The following EHHADH variants were observed in gnomAD, a reference collection of about 807,000 sequenced individuals.
EHHADH encodes enoyl-CoA hydratase and 3-hydroxyacyl CoA dehydrogenase, also known as peroxisomal bifunctional enzyme.
Under a neutral mutation model 64.4 loss-of-function variants are expected in EHHADH, and 48 were observed. The observed-to-expected ratio is 0.75, with a 90% CI of 0.59 to 0.95. The LOEUF is 0.95. Ranked by LOEUF, EHHADH falls within the 40% of genes least tolerant of loss-of-function variation. The pLI, the probability that EHHADH is intolerant of heterozygous loss-of-function variation, is 0.00. For synonymous variants in EHHADH, 308 were observed against 326.7 expected (o/e 0.94, Z 0.62); for missense variants, 854 against 876.6 (o/e 0.97, Z 0.33).
At chr3:185,243,979 GTCTA>G (rs1443146993) in intron 2 of EHHADH, among the ~76,000 whole-genome samples, 1 of 152,098 alleles carries the variant, frequency 6.6e-6, no homozygotes, top group Non-Finnish European at 1.5e-5. Flanking sequence ...TTGTATAGCT[GTCTA>G]TCTCTTTTAT....
chr3:185,192,558 TG>T lies in EHHADH; in HGVS notation c.1839del (p.Ile614LeufsTer26). On this transcript the variant is annotated frameshift_variant, in exon 7 of 7. Coordinates refer to ENST00000231887, the MANE Select transcript of EHHADH (RefSeq NM_001966.4). LOFTEE classifies it high-confidence loss of function. ...CGTTCAAGGATCTCATCCTGGCTAA[TG>T]GTACGTGGTTCAATGTGATGGGTTT... ...YRKTHHIEPR[T>X]ISQDEILERC... The T allele has an allele frequency of 6.2e-7, 1 of 1,614,224 alleles. No individual in the cohort carries two copies. Among genetic ancestry groups the T allele is most frequent in the East Asian group, 2.2e-5 (1 of 44,890 alleles).
chr3:185,222,110 T>C (rs1048012367), intron 4 of EHHADH, among the ~76,000 whole-genome samples: 1 of 152,116 alleles, frequency 6.6e-6, no homozygotes, highest in Non-Finnish European at 1.5e-5. Flanking sequence ...CCGGATGTGG[T>C]GGCTCACACC....
At chr3:185,222,337 C>T (rs1385847093) in intron 4 of EHHADH, among the ~76,000 whole-genome samples, 2 of 151,960 alleles carry the variant, frequency 1.3e-5, no homozygotes, top group African/African-American at 4.8e-5. Flanking sequence ...GAGCCGAGAT[C>T]GTGCCACTGC....
At chr3:185,226,415 G>A (rs1380197612) in intron 4 of EHHADH, among the ~76,000 whole-genome samples, 10 of 152,162 alleles carry the variant, frequency 6.6e-5, no homozygotes, top group African/African-American at 9.7e-5. Flanking sequence ...TTGGGAGGCT[G>A]AGGCAGGTGG....
At chr3:185,247,627 C>T (rs770530557) in intron 2 of EHHADH, among the ~76,000 whole-genome samples, 1 of 152,066 alleles carries the variant, frequency 6.6e-6, no homozygotes, top group South Asian at 2.1e-4. Context: ...TAATGATTCA[C>T]ATTTTTATAT....
At position 185,248,482 on chromosome 3, in the gene EHHADH, T is replaced by G. The variant is rs1157901861; in HGVS notation, c.110A>C (p.Gln37Pro). The change falls in exon 2 of 7, where the codon CAG (glutamine) becomes CCG (proline). Residue 37 changes from glutamine to proline, a missense_variant. Gln to Pro is a moderately conservative substitution (Grantham distance 76). Coordinates refer to ENST00000231887, the MANE Select transcript of EHHADH (RefSeq NM_001966.4). ...TLLRDIKEGL[Q>P]KAVIDHTIKA... ...TATTGTATGGTCTATTACAGCTTTC[T>G]GTAGTCCTTCTTTTATGTCACGGAG... 3.7e-6 allele frequency: 6 copies of G among 1,613,880 alleles called. No homozygotes were observed. In the East Asian group the frequency reaches 1.3e-4, roughly 36 times the overall value.
chr3:185,229,404 G>A (rs1349605548), intron 4 of EHHADH, 28 bp downstream of exon 4: 13 of 1,342,340 alleles, frequency 9.7e-6, no homozygotes, highest in Non-Finnish European at 1.2e-5. Flanking sequence ...CACTAATCTA[G>A]ACAGTTGTTG....
intron 2 of EHHADH, chr3:185,245,414 T>C: frequency 1.5e-6 from 1 of 646,726 alleles, no homozygotes. Flanking sequence ...CAAACTGGTT[T>C]AGCCACATAT....
At chr3:185,232,610 A>G (rs1219707651) in intron 3 of EHHADH, among the ~76,000 whole-genome samples, 1 of 152,070 alleles carries the variant, frequency 6.6e-6, no homozygotes, top group Non-Finnish European at 1.5e-5. Flanking sequence ...TACCACGCCC[A>G]GCTAATTTTG....
chr3:185,205,589 T>C (rs146344343), intron 5 of EHHADH, among the ~76,000 whole-genome samples: 2 of 152,310 alleles, frequency 1.3e-5, no homozygotes, highest in East Asian at 3.9e-4. Context: ...AGTCTCTTTT[T>C]TTCACATTCA....
chr3:185,198,388 T>A (rs1419098405), intron 6 of EHHADH, among the ~76,000 whole-genome samples: 1 of 151,294 alleles, frequency 6.6e-6, no homozygotes, highest in African/African-American at 2.4e-5. Flanking sequence ...CTGGCTAATT[T>A]TTTTGTATTT....
intron 6 of EHHADH, among the ~76,000 whole-genome samples, chr3:185,196,988 T>C (rs928842428): frequency 1.1e-4 from 16 of 145,848 alleles, no homozygotes; most frequent in Non-Finnish European, 4.5e-5. Flanking sequence ...GGTGACAGAG[T>C]GAGACTCCAT....
At chr3:185,243,926 C>G (rs1437418000) in intron 2 of EHHADH, among the ~76,000 whole-genome samples, 1 of 152,182 alleles carries the variant, frequency 6.6e-6, no homozygotes, top group Non-Finnish European at 1.5e-5. Context: ...CCTTAATCAT[C>G]TGTCTAGTGC....
At chr3:185,232,804 C>G (rs1320798832) in intron 3 of EHHADH, among the ~76,000 whole-genome samples, 1 of 152,142 alleles carries the variant, frequency 6.6e-6, no homozygotes. Flanking sequence ...TCTCCTCAGC[C>G]ACAGAGGCCA....
At chr3:185,244,171 T>C (rs983058064) in intron 2 of EHHADH, among the ~76,000 whole-genome samples, 14 of 152,342 alleles carry the variant, frequency 9.2e-5, no homozygotes, top group African/African-American at 3.4e-4. Flanking sequence ...TAGCTACTAC[T>C]GCTCATTTTT....
chr3:185,248,280 T>C (rs879634126), intron 2 of EHHADH, 134 bp downstream of exon 2: 8 of 730,890 alleles, frequency 1.1e-5, no homozygotes, highest in African/African-American at 1.7e-5. Context: ...TCCACAGTGT[T>C]ACTCATTCTC....
At chr3:185,250,172 G>A (rs768164935) in intron 1 of EHHADH, among the ~76,000 whole-genome samples, 17 of 152,134 alleles carry the variant, frequency 1.1e-4, no homozygotes, top group Non-Finnish European at 1.6e-4. Flanking sequence ...ACAGCCAAGC[G>A]TAATCTTAAC....
intron 1 of EHHADH, among the ~76,000 whole-genome samples, chr3:185,250,580 C>T (rs917665706): frequency 3.3e-5 from 5 of 152,170 alleles, no homozygotes; most frequent in African/African-American, 1.2e-4. Context: ...TTCTTTAGTA[C>T]ACAGGGTTAA....
chr3:185,198,021 T>C (rs1718114071), intron 6 of EHHADH, among the ~76,000 whole-genome samples: 1 of 152,118 alleles, frequency 6.6e-6, no homozygotes, highest in Non-Finnish European at 1.5e-5. Context: ...GGTCTCGAAT[T>C]CCTGACCTCA....
Sources: gnomAD v4.1 joint callset for allele counts (sites outside exome capture counted in the v4.1 genomes callset) on GRCh38, gnomAD v4.1.1 for gene constraint, MANE v1.5 for transcripts, NCBI Gene and HGNC (gene_info 2026-07-23, HGNC 2026-07-21) for gene names.